Variants in CADM2 observed in about 807,000 individuals in gnomAD.
CADM2 encodes the protein immunoglobulin superfamily member 4D.
CADM2 carries 12 observed loss-of-function variants against 49.8 expected under a neutral mutation model. The ratio of observed to expected loss-of-function variants is 0.24; its 90% CI spans 0.15 to 0.39. CADM2 has a LOEUF of 0.39. CADM2 is among the 10% of genes least tolerant of loss of function. The pLI is 1.00. For missense variants in CADM2, 378 were observed against 492.3 expected, an observed-to-expected ratio of 0.77 and a Z score of 2.20; for synonymous variants, 214 against 175.4, an observed-to-expected ratio of 1.22 and a Z score of -1.74.
At chr3:85,612,420 G>C (rs1183366004) in intron 1 of CADM2, among the ~76,000 whole-genome samples, 3 of 151,658 alleles carry the variant, frequency 2.0e-5, no homozygotes, top group South Asian at 4.1e-4. Context: ...TGTTTAAATA[G>C]TTGTATTTTT....
At chr3:85,104,689 T>A (rs777433900) in intron 1 of CADM2, among the ~76,000 whole-genome samples, 37 of 152,218 alleles carry the variant, frequency 2.4e-4, no homozygotes, top group Non-Finnish European at 4.3e-4. Flanking sequence ...ACATTGATTC[T>A]TCCTAACCAT....
intron 3 of CADM2, among the ~76,000 whole-genome samples, chr3:85,841,303 G>GTAAT (rs917911108): frequency 6.6e-6 from 1 of 151,808 alleles, no homozygotes; most frequent in Non-Finnish European, 1.5e-5. Flanking sequence ...GAGGAGTAGT[G>GTAAT]TAATATAAGA....
chr3:85,837,417 G>GA (rs984677805), intron 3 of CADM2, among the ~76,000 whole-genome samples: 15 of 151,440 alleles, frequency 9.9e-5, no homozygotes, highest in African/African-American at 3.1e-4. Flanking sequence ...TAATTAGGGG[G>GA]AAAAAAACAG....
intron 1 of CADM2, among the ~76,000 whole-genome samples, chr3:85,313,011 C>T (rs2044383836): frequency 6.6e-6 from 1 of 152,168 alleles, no homozygotes; most frequent in Admixed American, 6.5e-5. Flanking sequence ...CTAAATTTGA[C>T]AGCAGGAAAG....
intron 3 of CADM2, among the ~76,000 whole-genome samples, chr3:85,869,371 G>A (rs1463291760): frequency 6.6e-6 from 1 of 151,922 alleles, no homozygotes; most frequent in African/African-American, 2.4e-5. Context: ...TAGCAGGAAG[G>A]TATTTTTTCA....
At chr3:85,178,317 T>C (rs1289367037) in intron 1 of CADM2, among the ~76,000 whole-genome samples, 3 of 151,940 alleles carry the variant, frequency 2.0e-5, no homozygotes, top group Non-Finnish European at 4.4e-5. Context: ...GTACACATTA[T>C]ACATGATATA....
intron 1 of CADM2, among the ~76,000 whole-genome samples, chr3:85,081,219 T>C (rs1048947241): frequency 6.6e-6 from 1 of 152,142 alleles, no homozygotes; most frequent in Non-Finnish European, 1.5e-5. Flanking sequence ...TCCTGTTAAG[T>C]TGGTGTCTGT....
At chr3:85,803,474 G>T (rs556700941) in intron 3 of CADM2, among the ~76,000 whole-genome samples, 177 of 141,328 alleles carry the variant, frequency 1.3e-3, no homozygotes, top group African/African-American at 4.8e-3. Flanking sequence ...ACAAAATGAA[G>T]AAACAGACAG....
intron 1 of CADM2, among the ~76,000 whole-genome samples, chr3:85,654,223 A>G (rs976084797): frequency 1.3e-5 from 2 of 152,214 alleles, no homozygotes; most frequent in Admixed American, 6.5e-5. Flanking sequence ...ATTTATCAAC[A>G]GAGAAAAAAG....
intron 1 of CADM2, among the ~76,000 whole-genome samples, chr3:84,983,890 T>G (rs2107147232): frequency 6.6e-6 from 1 of 152,262 alleles, no homozygotes; most frequent in Admixed American, 6.5e-5. Context: ...GGAAAATATG[T>G]TATCTGAATA....
At chr3:85,908,891 AT>A (rs1289989995) in intron 5 of CADM2, among the ~76,000 whole-genome samples, 3 of 151,810 alleles carry the variant, frequency 2.0e-5, no homozygotes, top group African/African-American at 7.2e-5. Flanking sequence ...GGCCCAGCTA[AT>A]TTTTTGTATT....
chr3:86,062,141 G>T (rs1738730386), intron 8 of CADM2, among the ~76,000 whole-genome samples: 1 of 152,120 alleles, frequency 6.6e-6, no homozygotes, highest in Non-Finnish European at 1.5e-5. Flanking sequence ...GAACAAAAAT[G>T]ATTTCTAAGT....
At chr3:85,872,117 A>G (rs1411681362) in intron 3 of CADM2, among the ~76,000 whole-genome samples, 2 of 152,226 alleles carry the variant, frequency 1.3e-5, no homozygotes. Context: ...TGGGCTGCCT[A>G]TGTGACCAAG....
At chr3:85,896,397 A>C (rs150607444) in intron 5 of CADM2, among the ~76,000 whole-genome samples, 99 of 152,336 alleles carry the variant, frequency 6.5e-4, no homozygotes, top group African/African-American at 2.4e-3. Context: ...GAGATTTTGA[A>C]TATATAAAGA....
intron 1 of CADM2, among the ~76,000 whole-genome samples, chr3:85,717,167 T>G (rs1203278560): frequency 6.6e-6 from 1 of 152,174 alleles, no homozygotes; most frequent in East Asian, 1.9e-4. Flanking sequence ...CCCCTCTTAT[T>G]TCCTTGAGCA....
intron 1 of CADM2, among the ~76,000 whole-genome samples, chr3:85,528,150 C>T (rs2061213629): frequency 6.6e-6 from 1 of 152,156 alleles, no homozygotes; most frequent in Admixed American, 6.6e-5. Flanking sequence ...CTTGCTGCTT[C>T]TTCATATTTC....
intron 1 of CADM2, among the ~76,000 whole-genome samples, chr3:84,983,949 C>A (rs905251430): frequency 6.6e-6 from 1 of 151,676 alleles, no homozygotes; most frequent in Non-Finnish European, 1.5e-5. Flanking sequence ...TTATCAACTT[C>A]AAGAAATTGT....
At chr3:85,990,988 C>T (rs1217585737) in intron 8 of CADM2, among the ~76,000 whole-genome samples, 1 of 152,154 alleles carries the variant, frequency 6.6e-6, no homozygotes, top group African/African-American at 2.4e-5. Flanking sequence ...CTGATCTCCC[C>T]CTTCCTCCCT....
At chr3:84,998,588 G>C (rs17022236) in intron 1 of CADM2, among the ~76,000 whole-genome samples, 12,124 of 152,126 alleles carry the variant, frequency 0.08, 680 homozygotes, top group Admixed American at 0.19. Flanking sequence ...GAGTAGATTT[G>C]ACCAGCATGC....
Sources: allele counts gnomAD v4.1 joint callset (sites outside exome capture counted in the v4.1 genomes callset), GRCh38; gene constraint gnomAD v4.1.1; transcripts MANE v1.5; gene names NCBI Gene and HGNC (gene_info 2026-07-23, HGNC 2026-07-21).